Variants in CNDP2 observed in about 807,000 individuals in gnomAD.
CNDP2 encodes the protein cytosolic non-specific dipeptidase.
A neutral mutation model predicts 55.0 loss-of-function variants in CNDP2; 38 were observed. The ratio of observed to expected loss-of-function variants is 0.69; its 90% confidence interval spans 0.53 to 0.90. The LOEUF (loss-of-function observed/expected upper bound fraction) is 0.90, where lower values mean the gene tolerates loss of function less well. Ranked by LOEUF, CNDP2 falls within the 40% of genes least tolerant of loss-of-function variation. The probability of loss-of-function intolerance (pLI) is 0.00; values close to 1 mark genes in which losing one functional copy is unlikely to be tolerated. For missense variants in CNDP2, 607 were observed against 621.7 expected, an observed-to-expected ratio of 0.98 and a Z score of 0.25; for synonymous variants, 241 against 260.2, an observed-to-expected ratio of 0.93 and a Z score of 0.71.
chr18:74,501,181 C>T, intron 2 of CNDP2, 148 bp from the exon 3 acceptor site: 1 of 1,395,026 alleles, frequency 7.2e-7, no homozygotes, highest in Non-Finnish European at 9.3e-7. Context: ...ACCCAAAGCA[C>T]ACGTGATGGG....
At position 74,497,155 on chromosome 18, in the gene CNDP2, A is replaced by G. The variant is rs1388185772; in HGVS notation, c.-93+724A>G. Among the ~76,000 whole-genome samples the G allele has an allele frequency of 2.0e-5, 3 of 152,158 alleles. No individual in the cohort carries two copies. The East Asian group carries it at 5.8e-4, about 30-fold the overall frequency. Reference sequence around the variant, plus strand: ...ACCGCCTGCCAAGGTCAGATTCCGTAGATCATCCAAGCATAGACTGCAGGA... The same window carrying G: ...ACCGCCTGCCAAGGTCAGATTCCGTGGATCATCCAAGCATAGACTGCAGGA... On this transcript the variant is annotated intron_variant, in intron 1 of 11. Transcript: ENST00000324262.
rs1300364151 is a variant in CNDP2, at chr18:74,512,543, G to A, written c.742+11G>A. On this transcript the variant is annotated intron_variant, in intron 7 of 11. Transcript: ENST00000324262. ...TCATTTTGCTGATGGGTAAGTGCGG[G>A]ATGGCATTCAGTCCGCAGTTGAGGG... is the stretch of plus-strand genomic sequence containing the variant. 6.2e-7 allele frequency: 1 copy of A among 1,612,260 alleles called. No individual in the cohort carries two copies. The highest frequency in any genetic ancestry group is 1.1e-5 in the South Asian group (1 of 90,988).
rs1491257239 is a variant in CNDP2 at position 74,506,104 on chromosome 18, T to TTTTTA, written c.367+107_367+111dup. 5.1e-5 allele frequency: 57 copies of TTTTTA among 1,115,026 alleles called. No homozygotes were observed. In the African/African-American group the frequency reaches 8.4e-4, roughly 17 times the overall value. 69.1% of individuals were successfully genotyped at this position (1,115,026 alleles called of 1,614,324 possible). ...GTTTTTCTGTTTCCAGTACAGACTG[T>TTTTTA]TTTTATTTTATTTTATTTATTTTAT... On this transcript the variant is annotated intron_variant, in intron 4 of 11. Coordinates refer to ENST00000324262, the MANE Select transcript of CNDP2 (RefSeq NM_018235.3).
At chr18:74,513,964 T>G in intron 8 of CNDP2, 1 of 448,028 alleles carries the variant, frequency 2.2e-6, no homozygotes, top group Middle Eastern at 5.9e-4. Flanking sequence ...ATGGGCTGGC[T>G]CCTGCTGGCA....
chr18:74,503,561 A>G (rs1057505097), intron 3 of CNDP2, among the ~76,000 whole-genome samples: 2 of 152,264 alleles, frequency 1.3e-5, no homozygotes, highest in African/African-American at 4.8e-5. Flanking sequence ...GAGGAGCCCT[A>G]TTGAACAGGA....
rs745311360 is a variant in CNDP2, at chr18:74,518,524, T to C, written c.1094T>C (p.Phe365Ser). 8 of 1,614,196 alleles carry C rather than the reference T, an allele frequency of 5.0e-6. No homozygotes were observed. The highest frequency in any genetic ancestry group is 6.8e-6 in the Non-Finnish European group (8 of 1,180,038). ...GTCACAAGCTACCTAACTAAGAAGT[T>C]TGCTGAACTACGCAGCCCCAATGAG... ...EQVTSYLTKK[F>S]AELRSPNEFK... The change falls in exon 10 of 12, where the codon TTT (phenylalanine) becomes TCT (serine). Residue 365 changes from phenylalanine (F) to serine (S), a missense_variant. Coordinates refer to ENST00000324262, the MANE Select transcript of CNDP2 (RefSeq NM_018235.3).
At chr18:74,508,377 T>A (rs1979151876) in intron 4 of CNDP2, 1 of 156,668 alleles carries the variant, frequency 6.4e-6, no homozygotes, top group Admixed American at 6.3e-5. Flanking sequence ...TTTGTTTTTT[T>A]ATCAAATTAG....
chr18:74,513,209 G>A (rs916387908), intron 7 of CNDP2, among the ~76,000 whole-genome samples: 6 of 152,234 alleles, frequency 3.9e-5, no homozygotes, highest in Non-Finnish European at 5.9e-5. Flanking sequence ...GCTGGTTTGC[G>A]TCGTGGTCTA....
In CNDP2 at chr18:74,520,072, A is replaced by G. The variant is rs985882338; in HGVS notation, c.*4A>G. 1 of 1,614,106 alleles carries G rather than the reference A, an allele frequency of 6.2e-7. No individual in the cohort carries two copies. The highest frequency in any genetic ancestry group is 8.5e-7 in the Non-Finnish European group (1 of 1,179,964). On this transcript the variant is annotated 3_prime_UTR_variant, in exon 12 of 12. Coordinates refer to ENST00000324262, the MANE Select transcript of CNDP2 (RefSeq NM_018235.3). The stretch of plus-strand genomic sequence containing the variant: ...GGTCTCCCAGCTGAAGGACTAGGCC[A>G]AGCCCTCTGTGTGCCATCTCCAATG...
chr18:74,519,897 C>T (rs1979949836), intron 11 of CNDP2, 102 bp from the exon 12 acceptor site: 1 of 1,047,758 alleles, frequency 9.5e-7, no homozygotes, highest in Non-Finnish European at 1.4e-6. Context: ...GGATGCTCCC[C>T]AGGAAGAAGG....
intron 4 of CNDP2, among the ~76,000 whole-genome samples, chr18:74,506,716 G>T (rs1289388104): frequency 6.6e-6 from 1 of 152,212 alleles, no homozygotes; most frequent in Non-Finnish European, 1.5e-5. Flanking sequence ...CCCAGTGGGG[G>T]TGGCGATGTC....
At chr18:74,514,933 C>G (rs1979584316) in intron 8 of CNDP2, among the ~76,000 whole-genome samples, 1 of 152,218 alleles carries the variant, frequency 6.6e-6, no homozygotes, top group Non-Finnish European at 1.5e-5. Context: ...GAGGGCCACG[C>G]TGGGCAGTAC....
intron 1 of CNDP2, among the ~76,000 whole-genome samples, chr18:74,498,846 G>A (rs1009180952): frequency 6.6e-6 from 1 of 152,260 alleles, no homozygotes; most frequent in South Asian, 2.1e-4. Flanking sequence ...GGAGGAAGAG[G>A]GCACTTGAGA....
intron 8 of CNDP2, among the ~76,000 whole-genome samples, chr18:74,514,357 G>A (rs962364424): frequency 1.3e-5 from 2 of 152,144 alleles, no homozygotes; most frequent in African/African-American, 2.4e-5. Flanking sequence ...CAGGCTGTAG[G>A]TTTATGCGGT....
intron 11 of CNDP2, among the ~76,000 whole-genome samples, chr18:74,519,386 A>G (rs1017372743): frequency 6.6e-6 from 1 of 152,160 alleles, no homozygotes. Context: ...TTTTTGAGGA[A>G]TTGCAGTGTC....
rs1338897560 is a variant in CNDP2 at position 74,513,421 on chromosome 18, GC to G, written c.743-134del. On this transcript the variant is annotated intron_variant, in intron 7 of 11. Transcript: ENST00000324262. Reference sequence around the variant, plus strand: ...CTGTGGACGCTTGTGGCTGCTCTTGGCCCCTCCTCAGCCACGTGGCTGTGGG... The same window carrying G: ...CTGTGGACGCTTGTGGCTGCTCTTGGCCCTCCTCAGCCACGTGGCTGTGGG... 1.1e-5 allele frequency: 9 copies of G among 846,600 alleles called. No individual in the cohort carries two copies. The African/African-American group carries it at 1.6e-4, about 15-fold the overall frequency. 52.4% of individuals were successfully genotyped at this position (846,600 alleles called of 1,614,324 possible).
chr18:74,518,734 G>A (rs1454739156), intron 10 of CNDP2, 94 bp downstream of exon 10: 3 of 1,555,646 alleles, frequency 1.9e-6, no homozygotes, highest in East Asian at 2.3e-5. Context: ...CTATGTCGGG[G>A]GCGCTGCTGT....
In CNDP2 at chr18:74,516,567, C is replaced by G. The variant is rs954442787; in HGVS notation, c.1068+175C>G. 1.0e-5 allele frequency: 7 copies of G among 682,198 alleles called. No homozygotes were observed. The African/African-American group carries it at 1.1e-4, about 11-fold the overall frequency. The allele number at this position is 682,198 out of a possible 1,614,324, so 42.3% of individuals were successfully genotyped here. ...GTTCAGAAGCTAATCAAAGATAATGCATCACATGTAAGTGACCTTTGTTAC... is the reference window on the plus strand; with the variant it reads ...GTTCAGAAGCTAATCAAAGATAATGGATCACATGTAAGTGACCTTTGTTAC... On this transcript the variant is annotated intron_variant, in intron 9 of 11. Transcript: ENST00000324262.
chr18:74,510,885 A>G lies in CNDP2; in HGVS notation c.529A>G (p.Ile177Val). ...ESGSEGLDEL[I>V]FARKDTFFKD... ...AGGCTCTGAGGGCCTAGACGAGCTG[A>G]TTTTTGCCCGGAAAGACACATTCTT... Residue 177 changes from isoleucine (I) to valine (V), a missense_variant, in exon 6 of 12, where the codon ATT (isoleucine) becomes GTT (valine). By Grantham distance (29) the Ile-to-Val change is conservative. Coordinates refer to ENST00000324262, the MANE Select transcript of CNDP2 (RefSeq NM_018235.3). The G allele has an allele frequency of 6.2e-7, 1 of 1,614,154 alleles. No individual in the cohort carries two copies. Among genetic ancestry groups the G allele is most frequent in the Non-Finnish European group, 8.5e-7 (1 of 1,180,032 alleles).
Sources: allele counts gnomAD v4.1 joint callset (sites outside exome capture counted in the v4.1 genomes callset), GRCh38; gene constraint gnomAD v4.1.1; transcripts MANE v1.5; gene names NCBI Gene and HGNC (gene_info 2026-07-23, HGNC 2026-07-21).